The following TRABD2A variants were observed in gnomAD, a reference collection of about 807,000 sequenced individuals.
TRABD2A encodes TraB domain containing 2A.
In TRABD2A, 43 loss-of-function variants were observed where a neutral mutation model predicts 45.6. That is an observed-to-expected ratio of 0.94 (90% CI 0.74 to 1.22). The LOEUF is 1.22. Ranked by LOEUF, TRABD2A falls within the 50% of genes most tolerant of loss-of-function variation. TRABD2A has a pLI of 0.00. For synonymous variants in TRABD2A, 269 were observed against 265.0 expected (o/e 1.02, Z -0.15); for missense variants, 642 against 652.4 (o/e 0.98, Z 0.17).
At chr2:84,839,739 T>G (rs558866765) in intron 3 of TRABD2A, among the ~76,000 whole-genome samples, 1 of 152,258 alleles carries the variant, frequency 6.6e-6, no homozygotes, top group African/African-American at 2.4e-5. Context: ...AACATGAAAT[T>G]TGTATAAACA....
chr2:84,859,515 C>A (rs779260715), intron 2 of TRABD2A, among the ~76,000 whole-genome samples: 9 of 152,198 alleles, frequency 5.9e-5, no homozygotes, highest in Non-Finnish European at 1.0e-4. Context: ...TCAACAGCCA[C>A]CGCATGGAAG....
chr2:84,874,590 A>ACACCAGCC (rs1253572119), intron 1 of TRABD2A: 7 of 153,298 alleles, frequency 4.6e-5, no homozygotes, highest in African/African-American at 1.7e-4. Context: ...GGTTCATCTG[A>ACACCAGCC]CACCAGCCGA....
intron 2 of TRABD2A, among the ~76,000 whole-genome samples, chr2:84,849,779 T>C (rs927394194): frequency 6.6e-6 from 1 of 152,202 alleles, no homozygotes; most frequent in African/African-American, 2.4e-5. Flanking sequence ...CTGCAATCAA[T>C]TGCTGGCTCA....
At chr2:84,868,797 A>G (rs1348208094) in intron 2 of TRABD2A, among the ~76,000 whole-genome samples, 1 of 152,260 alleles carries the variant, frequency 6.6e-6, no homozygotes, top group African/African-American at 2.4e-5. Context: ...GCTTTGGCTC[A>G]GGTTAAAATG....
rs375070443 is a variant in TRABD2A at position 84,870,680 on chromosome 2, C to T, written c.214G>A (p.Asp72Asn). ...PYTRVWDFIP[D>N]NSKEAFLQSS... ...TGCAGGAAAGCCTCCTTAGAGTTGTCGGGGATGAAGTCCCAAACTCGGGTG... is the reference window on the plus strand; with the variant it reads ...TGCAGGAAAGCCTCCTTAGAGTTGTTGGGGATGAAGTCCCAAACTCGGGTG... Residue 72 changes from aspartate (D) to asparagine (N), a missense_variant, in exon 2 of 7, where the codon GAC becomes AAC. Transcript: ENST00000409520. The T allele has an allele frequency of 2.0e-5, 32 of 1,607,220 alleles. No homozygotes were observed. Among genetic ancestry groups the T allele is most frequent in the African/African-American group, 5.3e-5 (4 of 74,768 alleles).
intron 3 of TRABD2A, among the ~76,000 whole-genome samples, chr2:84,840,796 C>T (rs1371045363): frequency 6.6e-6 from 1 of 152,184 alleles, no homozygotes; most frequent in East Asian, 1.9e-4. Flanking sequence ...TTCTCCCTTT[C>T]CTCCTGCTTC....
intron 2 of TRABD2A, among the ~76,000 whole-genome samples, chr2:84,859,788 T>G (rs1481234943): frequency 6.6e-6 from 1 of 152,184 alleles, no homozygotes; most frequent in Non-Finnish European, 1.5e-5. Flanking sequence ...TTCCAAATTT[T>G]GCATTACTAA....
At chr2:84,862,103 C>T (rs554144675) in intron 2 of TRABD2A, among the ~76,000 whole-genome samples, 3 of 152,318 alleles carry the variant, frequency 2.0e-5, no homozygotes, top group Non-Finnish European at 2.9e-5. Flanking sequence ...CCCCCACTTC[C>T]TCTGTCCCTG....
At chr2:84,829,632 C>T (rs1681263164) in intron 5 of TRABD2A, among the ~76,000 whole-genome samples, 1 of 142,728 alleles carries the variant, frequency 7.0e-6, no homozygotes, top group Non-Finnish European at 1.5e-5. Context: ...AACGCAAACC[C>T]CACACGTACA....
At chr2:84,876,426 G>A (rs1296109424) in intron 1 of TRABD2A, among the ~76,000 whole-genome samples, 1 of 152,208 alleles carries the variant, frequency 6.6e-6, no homozygotes, top group Non-Finnish European at 1.5e-5. Flanking sequence ...AGAGTAGGAG[G>A]CCGATTGAAG....
chr2:84,841,847 G>A lies in TRABD2A; in HGVS notation c.816+14C>T. The A allele has an allele frequency of 6.6e-7, 1 of 1,508,592 alleles. No individual in the cohort carries two copies. Among genetic ancestry groups the A allele is most frequent in the Non-Finnish European group, 8.8e-7 (1 of 1,130,584 alleles). 93.5% of individuals were successfully genotyped at this position (1,508,592 alleles called of 1,614,324 possible). A position where few individuals can be genotyped will look rare whatever the true frequency, so the allele number is the denominator to read the frequency against. On this transcript the variant is annotated intron_variant, in intron 3 of 6. Coordinates refer to ENST00000409520, the MANE Select transcript of TRABD2A (RefSeq NM_001277053.2). ...AAATGTGTGCTGAGCTTGGCAGGGG[G>A]AAAGGGTGCTCACCTGGGAGCTGTC...
At chr2:84,873,649 G>A (rs1340416976) in intron 1 of TRABD2A, among the ~76,000 whole-genome samples, 2 of 152,208 alleles carry the variant, frequency 1.3e-5, no homozygotes, top group Non-Finnish European at 2.9e-5. Context: ...GATCAAAAGG[G>A]TAGAAGACAC....
intron 2 of TRABD2A, chr2:84,843,432 A>G (rs960695556): frequency 7.9e-5 from 12 of 152,218 alleles, no homozygotes; most frequent in African/African-American, 2.7e-4. Flanking sequence ...TGGTGAGGAG[A>G]CAAGGCTTCC....
At chr2:84,845,604 T>C (rs1681870174) in intron 2 of TRABD2A, among the ~76,000 whole-genome samples, 1 of 152,092 alleles carries the variant, frequency 6.6e-6, no homozygotes, top group African/African-American at 2.4e-5. Context: ...CCAACTGTGA[T>C]CCTGAGTTAC....
intron 2 of TRABD2A, among the ~76,000 whole-genome samples, chr2:84,856,432 G>A (rs1037867585): frequency 6.6e-5 from 10 of 152,068 alleles, no homozygotes; most frequent in South Asian, 6.2e-4. Context: ...TGCCAGACTC[G>A]GGAGCTAAAG....
intron 1 of TRABD2A, chr2:84,875,032 A>T (rs1439616620): frequency 5.7e-6 from 1 of 175,388 alleles, no homozygotes; most frequent in Non-Finnish European, 1.2e-5. Flanking sequence ...CTGAATCTTG[A>T]TGGCTGCCAC....
chr2:84,863,916 G>A (rs754928197), intron 2 of TRABD2A, among the ~76,000 whole-genome samples: 2 of 151,948 alleles, frequency 1.3e-5, no homozygotes, highest in South Asian at 2.1e-4. Context: ...CAAGACTATC[G>A]AGGAAAAATA....
chr2:84,827,341 CA>C (rs1426774711), intron 5 of TRABD2A, among the ~76,000 whole-genome samples: 15 of 152,194 alleles, frequency 9.9e-5, no homozygotes, highest in African/African-American at 3.1e-4. Context: ...GAGCCTTAGA[CA>C]AGATAATTGA....
chr2:84,840,855 C>T (rs961187444), intron 3 of TRABD2A, among the ~76,000 whole-genome samples: 1 of 152,132 alleles, frequency 6.6e-6, no homozygotes, highest in Non-Finnish European at 1.5e-5. Flanking sequence ...TGGGGATGCT[C>T]CTTACATCTT....
Sources: allele counts gnomAD v4.1 joint callset (sites outside exome capture counted in the v4.1 genomes callset), GRCh38; gene constraint gnomAD v4.1.1; transcripts MANE v1.5; gene names NCBI Gene and HGNC (gene_info 2026-07-23, HGNC 2026-07-21).